Variants in ZHX2 observed in about 807,000 individuals in gnomAD.
The protein encoded by ZHX2 is zinc fingers and homeoboxes 2, also known as zinc fingers and homeoboxes protein 2.
A neutral mutation model predicts 21.9 loss-of-function variants in ZHX2; 6 were observed. That is an observed-to-expected ratio of 0.27 (90% CI 0.15 to 0.54). The LOEUF (loss-of-function observed/expected upper bound fraction) is 0.54. Among genes scored for constraint, ZHX2 ranks in the 20% least tolerant of loss-of-function variants. The probability of loss-of-function intolerance (pLI) is 0.95; values close to 1 mark genes in which losing one functional copy is unlikely to be tolerated. For missense variants in ZHX2, 908 were observed against 1,090.7 expected (o/e 0.83, Z 2.36); for synonymous variants, 434 against 437.1 (o/e 0.99, Z 0.09).
chr8:122,953,356 C>G lies in ZHX2; in HGVS notation c.1846C>G (p.Gln616Glu), dbSNP rs1183535670. The G allele has an allele frequency of 9.3e-6, 15 of 1,614,120 alleles. No homozygotes were observed. The highest frequency in any genetic ancestry group is 1.3e-5 in the Non-Finnish European group (15 of 1,180,042). The part of the protein sequence containing the change: ...APNGALSRLD[Q>E]LSGAQLTSSL... The stretch of plus-strand genomic sequence containing the variant: ...CAATGGTGCTCTGTCTCGACTCGAC[C>G]AGCTCTCCGGTGCCCAGTTAACAAG... The change falls in exon 3 of 4, where the codon CAG becomes GAG. Residue 616 changes from glutamine (Q) to glutamate (E), a missense_variant. Coordinates refer to ENST00000314393, the MANE Select transcript of ZHX2 (RefSeq NM_014943.5). This position sits in a 1 kb window ranked among gnomAD's most constrained non-coding sequence, Gnocchi z 4.6.
At chr8:122,821,476 G>A (rs1252097333) in intron 1 of ZHX2, among the ~76,000 whole-genome samples, 1 of 151,358 alleles carries the variant, frequency 6.6e-6, no homozygotes, top group East Asian at 1.9e-4. Context: ...CTCTCCTCCT[G>A]CCTTGATAAA....
chr8:122,950,740 A>G (rs1311501344), intron 2 of ZHX2, among the ~76,000 whole-genome samples: 1 of 152,038 alleles, frequency 6.6e-6, no homozygotes, highest in African/African-American at 2.4e-5. Context: ...TATTTATGGA[A>G]ATGGGAAACT....
intron 2 of ZHX2, among the ~76,000 whole-genome samples, chr8:122,930,647 T>G (rs536472230): frequency 6.9e-4 from 105 of 151,712 alleles, no homozygotes; most frequent in Middle Eastern, 3.4e-3. Flanking sequence ...AATTTTTGTT[T>G]TTTTTTTTTT....
At chr8:122,946,623 G>C (rs1210130125) in intron 2 of ZHX2, among the ~76,000 whole-genome samples, 1 of 152,068 alleles carries the variant, frequency 6.6e-6, no homozygotes, top group African/African-American at 2.4e-5. Flanking sequence ...GGTAAAAAAA[G>C]GTATTTCCTC....
At chr8:122,886,855 T>C (rs1819852251) in intron 2 of ZHX2, among the ~76,000 whole-genome samples, 1 of 152,150 alleles carries the variant, frequency 6.6e-6, no homozygotes, top group Non-Finnish European at 1.5e-5. Context: ...CAGACAAATA[T>C]TTGAGCCTTT....
At chr8:122,831,897 T>A (rs1182680433) in intron 1 of ZHX2, among the ~76,000 whole-genome samples, 1 of 152,162 alleles carries the variant, frequency 6.6e-6, no homozygotes, top group African/African-American at 2.4e-5. Flanking sequence ...GTGAGGGCGA[T>A]GAGTTCAGCT....
intron 2 of ZHX2, among the ~76,000 whole-genome samples, chr8:122,928,109 C>T (rs1037675344): frequency 2.0e-5 from 3 of 152,154 alleles, no homozygotes; most frequent in Admixed American, 1.3e-4. Context: ...TAGACTTAAG[C>T]TCCAAGAGGA....
chr8:122,864,415 C>T (rs986455383), intron 2 of ZHX2, among the ~76,000 whole-genome samples: 21 of 151,940 alleles, frequency 1.4e-4, no homozygotes, highest in African/African-American at 4.8e-4. Context: ...CCAGACAATG[C>T]ACATATCATA....
At chr8:122,910,092 A>C (rs1226473948) in intron 2 of ZHX2, among the ~76,000 whole-genome samples, 1 of 151,288 alleles carries the variant, frequency 6.6e-6, no homozygotes, top group African/African-American at 2.4e-5. Flanking sequence ...TGCTTCTCAG[A>C]GCCCAGCTCA....
chr8:122,950,995 C>T (rs776645196), intron 2 of ZHX2, among the ~76,000 whole-genome samples: 3 of 152,236 alleles, frequency 2.0e-5, no homozygotes, highest in Admixed American at 6.5e-5. Context: ...TCCCTCTCAC[C>T]GCTTCAGAGG....
In ZHX2 at chr8:122,831,475, G is replaced by A. The variant is rs113115224; in HGVS notation, c.-282-32002G>A. On this transcript the variant is annotated intron_variant, in intron 1 of 3. Coordinates refer to ENST00000314393, the MANE Select transcript of ZHX2 (RefSeq NM_014943.5). ...GAAGGCTTTGAGAGTGAAGAAGAAC[G>A]AAGCGCCCTTCTTTGACATACCATG... Among the ~76,000 whole-genome samples, 1,354 of 152,278 alleles carry A rather than the reference G, an allele frequency of 8.9e-3. 14 individuals are homozygous for A. Among genetic ancestry groups the A allele is most frequent in the African/African-American group, 0.03 (1,264 of 41,538 alleles).
intron 1 of ZHX2, among the ~76,000 whole-genome samples, chr8:122,834,661 A>C (rs913331638): frequency 6.6e-6 from 1 of 152,146 alleles, no homozygotes; most frequent in Non-Finnish European, 1.5e-5. Flanking sequence ...CAAGCTTCTG[A>C]AGCTTGTGCC....
At chr8:122,950,651 T>A (rs1813087244) in intron 2 of ZHX2, among the ~76,000 whole-genome samples, 1 of 152,094 alleles carries the variant, frequency 6.6e-6, no homozygotes, top group African/African-American at 2.4e-5. Context: ...TGTACTAACA[T>A]GCATTATAGG....
At chr8:122,865,265 A>C (rs1586340013) in intron 2 of ZHX2, among the ~76,000 whole-genome samples, 1 of 152,052 alleles carries the variant, frequency 6.6e-6, no homozygotes, top group Admixed American at 6.5e-5. Flanking sequence ...AGTAGCTGGG[A>C]CTACAGGTGC....
At chr8:122,856,862 C>T (rs566108230) in intron 1 of ZHX2, among the ~76,000 whole-genome samples, 4 of 152,250 alleles carry the variant, frequency 2.6e-5, no homozygotes, top group East Asian at 1.9e-4. Flanking sequence ...TTCCAGGAAC[C>T]GCAGACACAG....
Position 122,953,406 on chromosome 8 carries a change from A to G in ZHX2, c.1896A>G (p.Ala632=). ...LTSSLPSPSP[A]IAKSQEQVHL... ...GTTCTCTGCCCAGCCCTTCGCCAGCAATTGCAAAAAGTCAAGAACAGGTTC... is the reference window on the plus strand; with the variant it reads ...GTTCTCTGCCCAGCCCTTCGCCAGCGATTGCAAAAAGTCAAGAACAGGTTC... Residue 632 remains alanine, a synonymous_variant, in exon 3 of 4, where the codon GCA becomes GCG. Coordinates refer to ENST00000314393, the MANE Select transcript of ZHX2 (RefSeq NM_014943.5). This position sits in a 1 kb window ranked among gnomAD's most constrained non-coding sequence, Gnocchi z 4.6. 1 of 1,614,180 alleles carries G rather than the reference A, an allele frequency of 6.2e-7. No homozygotes were observed. Among genetic ancestry groups the G allele is most frequent in the Non-Finnish European group, 8.5e-7 (1 of 1,180,034 alleles).
At chr8:122,842,638 C>A (rs1037110978) in intron 1 of ZHX2, among the ~76,000 whole-genome samples, 1 of 151,998 alleles carries the variant, frequency 6.6e-6, no homozygotes, top group African/African-American at 2.4e-5. Flanking sequence ...ACCCGGGAGG[C>A]GGAGCTGGCA....
chr8:122,971,371 A>G (rs1813716168), intron 3 of ZHX2, among the ~76,000 whole-genome samples: 1 of 149,048 alleles, frequency 6.7e-6, no homozygotes, highest in East Asian at 2.0e-4. Context: ...CAACTTGGTG[A>G]CTCTGGCTGG....
At chr8:122,892,067 A>G (rs1361503685) in intron 2 of ZHX2, among the ~76,000 whole-genome samples, 3 of 152,112 alleles carry the variant, frequency 2.0e-5, no homozygotes. Flanking sequence ...CTCTCCCTTT[A>G]GGTCTAGCAA....
Sources: gnomAD v4.1 joint callset for allele counts (sites outside exome capture counted in the v4.1 genomes callset) on GRCh38, gnomAD v4.1.1 for gene constraint, Gnocchi (gnomAD v3.1) non-coding constraint, MANE v1.5 for transcripts, NCBI Gene and HGNC (gene_info 2026-07-23, HGNC 2026-07-21) for gene names.